The following PCDH9 variants were observed in gnomAD, a reference collection of about 807,000 sequenced individuals.
PCDH9 encodes protocadherin-9.
Under a neutral mutation model 70.6 loss-of-function variants are expected in PCDH9, and 24 were observed. That is an observed-to-expected ratio of 0.34 (90% CI 0.25 to 0.48). PCDH9 has a LOEUF of 0.48. PCDH9 is among the 20% of genes least tolerant of loss of function. The pLI is 0.99. For missense variants in PCDH9, 1,281 were observed against 1,503.6 expected, an observed-to-expected ratio of 0.85 and a Z score of 2.45; for synonymous variants, 562 against 558.5, an observed-to-expected ratio of 1.01 and a Z score of -0.09.
At chr13:66,445,789 T>C (rs976951830) in intron 4 of PCDH9, among the ~76,000 whole-genome samples, 8 of 143,550 alleles carry the variant, frequency 5.6e-5, no homozygotes, top group African/African-American at 2.0e-4. Flanking sequence ...TATACACATA[T>C]ATAATACATA....
In PCDH9 at chr13:66,303,690, A is replaced by T. The variant is rs929274053; in HGVS notation, c.*965T>A. 10 of 152,428 alleles carry T rather than the reference A, an allele frequency of 6.6e-5. No individual in the cohort carries two copies. Among genetic ancestry groups the T allele is most frequent in the African/African-American group, 2.4e-4 (10 of 41,402 alleles). 9.4% of individuals were successfully genotyped at this position (152,428 alleles called of 1,614,324 possible). ...AGTACAGGATATTATATCACTTTTG[A>T]TGGATAACAGTTTTCCATTACTCTC... On this transcript the variant is annotated 3_prime_UTR_variant, in exon 5 of 5. Coordinates refer to ENST00000377865, the MANE Select transcript of PCDH9 (RefSeq NM_203487.3).
intron 2 of PCDH9, among the ~76,000 whole-genome samples, chr13:67,108,903 A>T (rs1279953423): frequency 6.6e-6 from 1 of 152,188 alleles, no homozygotes; most frequent in Non-Finnish European, 1.5e-5. Context: ...ACTATTAATT[A>T]GGCCACCAAA....
At chr13:66,449,793 T>C (rs1958169186) in intron 4 of PCDH9, among the ~76,000 whole-genome samples, 1 of 152,194 alleles carries the variant, frequency 6.6e-6, no homozygotes, top group Non-Finnish European at 1.5e-5. Flanking sequence ...AAACTGATTA[T>C]AATATTCCTT....
At chr13:66,951,961 C>A (rs903890020) in intron 2 of PCDH9, among the ~76,000 whole-genome samples, 1 of 152,110 alleles carries the variant, frequency 6.6e-6, no homozygotes, top group Admixed American at 6.6e-5. Context: ...GTAATTATTT[C>A]TTTCATCTGT....
At chr13:66,817,461 T>C (rs953299263) in intron 3 of PCDH9, among the ~76,000 whole-genome samples, 21 of 152,178 alleles carry the variant, frequency 1.4e-4, no homozygotes, top group Non-Finnish European at 2.4e-4. Flanking sequence ...ACAATACTCA[T>C]AGATAGAAAC....
At chr13:67,073,428 A>G (rs2138161403) in intron 2 of PCDH9, among the ~76,000 whole-genome samples, 1 of 152,198 alleles carries the variant, frequency 6.6e-6, no homozygotes, top group Admixed American at 6.6e-5. Flanking sequence ...AATCAAAATA[A>G]TTTGTTTTTA....
chr13:67,115,175 C>T (rs1391917892), intron 2 of PCDH9, among the ~76,000 whole-genome samples: 1 of 152,056 alleles, frequency 6.6e-6, no homozygotes, highest in Non-Finnish European at 1.5e-5. Flanking sequence ...AATCATAAGT[C>T]CATATGTTGT....
chr13:67,176,319 A>G (rs959158481), intron 2 of PCDH9, among the ~76,000 whole-genome samples: 4 of 152,096 alleles, frequency 2.6e-5, no homozygotes, highest in Non-Finnish European at 5.9e-5. Flanking sequence ...AGGGGCCCAT[A>G]AATCTTTTCA....
At chr13:66,799,994 C>A (rs1427040898) in intron 3 of PCDH9, among the ~76,000 whole-genome samples, 1 of 152,150 alleles carries the variant, frequency 6.6e-6, no homozygotes, top group Admixed American at 6.6e-5. Flanking sequence ...CTTCTTGCTG[C>A]CTCAGAGTAT....
chr13:66,539,403 G>C (rs1960848096), intron 4 of PCDH9, among the ~76,000 whole-genome samples: 1 of 152,082 alleles, frequency 6.6e-6, no homozygotes, highest in African/African-American at 2.4e-5. Flanking sequence ...CCACCATGTT[G>C]CTGTTCTCAT....
At chr13:66,476,447 T>C (rs1288751361) in intron 4 of PCDH9, among the ~76,000 whole-genome samples, 3 of 152,126 alleles carry the variant, frequency 2.0e-5, no homozygotes, top group African/African-American at 7.2e-5. Context: ...CGTTTCAATC[T>C]TGTTATTCCA....
chr13:66,359,209 A>G (rs1004154173), intron 4 of PCDH9, among the ~76,000 whole-genome samples: 1 of 152,056 alleles, frequency 6.6e-6, no homozygotes, highest in Non-Finnish European at 1.5e-5. Context: ...AAGTCATTAC[A>G]TTCCTTATTG....
intron 4 of PCDH9, among the ~76,000 whole-genome samples, chr13:66,540,456 G>A (rs1261240201): frequency 6.6e-6 from 1 of 152,000 alleles, no homozygotes. Flanking sequence ...AACACCATAA[G>A]CAGAAATTTT....
chr13:66,627,941 T>G (rs1393390252), intron 4 of PCDH9, among the ~76,000 whole-genome samples: 1 of 152,246 alleles, frequency 6.6e-6, no homozygotes, highest in Non-Finnish European at 1.5e-5. Context: ...AATTGTTATA[T>G]GTATTGGACA....
chr13:66,749,967 T>C (rs965202314), intron 3 of PCDH9, among the ~76,000 whole-genome samples: 2 of 151,898 alleles, frequency 1.3e-5, no homozygotes, highest in Non-Finnish European at 2.9e-5. Flanking sequence ...CATTTAAAAA[T>C]ATTTAAAAGA....
intron 2 of PCDH9, among the ~76,000 whole-genome samples, chr13:67,158,094 G>C (rs943611840): frequency 3.3e-5 from 5 of 152,124 alleles, no homozygotes; most frequent in African/African-American, 1.2e-4. Context: ...CTTCTCTTTA[G>C]TACATCACAT....
At position 66,693,439 on chromosome 13, in the gene PCDH9, CATT is replaced by C. The variant is rs2078516018; in HGVS notation, c.3139-62031_3139-62029del. 3.3e-5 allele frequency among the ~76,000 whole-genome samples: 5 copies of C among 152,028 alleles called. No individual in the cohort carries two copies. The South Asian group carries it at 1.0e-3, about 32-fold the overall frequency. ...AAAGTGTATATAAGAAGCTATACATCATTGTGACTTGAATATGATAATTACCAA... is the reference window on the plus strand; with the variant it reads ...AAAGTGTATATAAGAAGCTATACATCGTGACTTGAATATGATAATTACCAA... On this transcript the variant is annotated intron_variant, in intron 3 of 4. Coordinates refer to ENST00000377865, the MANE Select transcript of PCDH9 (RefSeq NM_203487.3).
intron 3 of PCDH9, among the ~76,000 whole-genome samples, chr13:66,641,603 G>A (rs1023806892): frequency 1.3e-5 from 2 of 152,038 alleles, no homozygotes; most frequent in Non-Finnish European, 2.9e-5. Context: ...AGGAGAGAGG[G>A]GAAACAACAG....
intron 3 of PCDH9, among the ~76,000 whole-genome samples, chr13:66,899,523 A>C (rs1285916233): frequency 6.6e-6 from 1 of 152,026 alleles, no homozygotes; most frequent in Non-Finnish European, 1.5e-5. Flanking sequence ...TCAAGCATCA[A>C]AAACAGTGAC....
Sources: allele counts gnomAD v4.1 joint callset (sites outside exome capture counted in the v4.1 genomes callset), GRCh38; gene constraint gnomAD v4.1.1; transcripts MANE v1.5; gene names NCBI Gene and HGNC (gene_info 2026-07-23, HGNC 2026-07-21).